Variants in NWD1 observed in about 807,000 individuals in gnomAD.
The protein encoded by NWD1 is NACHT and WD repeat domain containing 1, also known as NACHT domain- and WD repeat-containing protein 1.
In NWD1, 129 loss-of-function variants were observed where a neutral mutation model predicts 135.1. That is an observed-to-expected ratio of 0.96 (90% CI 0.83 to 1.11). The LOEUF is 1.11. NWD1 is among the 50% of genes least tolerant of loss of function. The pLI, the probability that NWD1 is intolerant of heterozygous loss-of-function variation, is 0.00. For synonymous variants in NWD1, 773 were observed against 786.0 expected, an observed-to-expected ratio of 0.98 and a Z score of 0.28; for missense variants, 1,740 against 1,851.3, an observed-to-expected ratio of 0.94 and a Z score of 1.10.
chr19:16,742,529 C>A (rs904495057), intron 4 of NWD1, among the ~76,000 whole-genome samples: 1 of 152,072 alleles, frequency 6.6e-6, no homozygotes, highest in African/African-American at 2.4e-5. Context: ...CATCCCCAGG[C>A]CCCTGTTTCC....
At chr19:16,748,763 G>A (rs1476662218) in intron 5 of NWD1, among the ~76,000 whole-genome samples, 1 of 152,134 alleles carries the variant, frequency 6.6e-6, no homozygotes, top group Non-Finnish European at 1.5e-5. Flanking sequence ...GGCGGAGGTT[G>A]CAGTGAGCTA....
chr19:16,730,091 A>T (rs1967495755), intron 2 of NWD1, among the ~76,000 whole-genome samples: 1 of 152,010 alleles, frequency 6.6e-6, no homozygotes, highest in Non-Finnish European at 1.5e-5. Context: ...TGGGAGGCCG[A>T]GGTGGGCAGA....
At chr19:16,807,503 C>A (rs1970784799) in intron 17 of NWD1, 83 bp from the exon 18 acceptor site, 18 of 1,212,362 alleles carry the variant, frequency 1.5e-5, no homozygotes, top group Non-Finnish European at 2.1e-5. Flanking sequence ...AAAAACAAAA[C>A]AAAACAAAAA....
At position 16,751,550 on chromosome 19, in the gene NWD1, C is replaced by T. The variant is rs138765211; in HGVS notation, c.1769+1139C>T. Among the ~76,000 whole-genome samples the T allele has an allele frequency of 7.1e-4, 107 of 150,700 alleles. 2 individuals are homozygous for T. The highest frequency in any genetic ancestry group is 7.5e-3 in the Middle Eastern group (2 of 268). On this transcript the variant is annotated intron_variant, in intron 6 of 18. Coordinates refer to ENST00000524140, the MANE Select transcript of NWD1 (RefSeq NM_001007525.5). ...GCATGGTGGCTTACGCTTTTAATCG[C>T]AGCACTTTGGGAGGCCAAGGCAGGT... is the stretch of plus-strand genomic sequence containing the variant.
chr19:16,788,586 G>A (rs949816085), intron 12 of NWD1, among the ~76,000 whole-genome samples: 4 of 149,024 alleles, frequency 2.7e-5, no homozygotes, highest in Non-Finnish European at 4.4e-5. Flanking sequence ...AAAAAAAAGA[G>A]GGTTACATAA....
chr19:16,721,558 G>A (rs1967136415), intron 1 of NWD1: 1 of 152,072 alleles, frequency 6.6e-6, no homozygotes, highest in African/African-American at 2.4e-5. Flanking sequence ...GAGAGATGCT[G>A]GGACCCAGAA....
intron 18 of NWD1, among the ~76,000 whole-genome samples, chr19:16,812,475 C>A (rs2144533892): frequency 6.6e-6 from 1 of 152,016 alleles, no homozygotes; most frequent in Middle Eastern, 3.4e-3. Context: ...TGGAGACCAG[C>A]CTGGCCAACA....
intron 4 of NWD1, among the ~76,000 whole-genome samples, chr19:16,739,149 T>G (rs1677145772): frequency 6.8e-6 from 1 of 148,094 alleles, no homozygotes; most frequent in African/African-American, 2.5e-5. Flanking sequence ...CTAAGTTTAA[T>G]TTTTCAAAGG....
In NWD1 at chr19:16,736,650, G is replaced by C; in HGVS notation, c.98G>C (p.Trp33Ser). The C allele has an allele frequency of 6.5e-7, 1 of 1,533,990 alleles. No homozygotes were observed. The highest frequency in any genetic ancestry group is 8.7e-7 in the Non-Finnish European group (1 of 1,144,948). ...GLMFEVVDLR[W>S]GIRNIEATDH... ...ATTTCCCAGGTCGTTGATCTGAGGTGGGGTATTCGGAACATTGAAGCCACT... is the reference window on the plus strand; with the variant it reads ...ATTTCCCAGGTCGTTGATCTGAGGTCGGGTATTCGGAACATTGAAGCCACT... The change falls in exon 4 of 19, where the codon TGG (tryptophan) becomes TCG (serine). Residue 33 changes from tryptophan to serine, a missense_variant. Physicochemically the swap from Trp to Ser is radical, Grantham distance 177. Coordinates refer to ENST00000524140, the MANE Select transcript of NWD1 (RefSeq NM_001007525.5).
At chr19:16,787,971 G>A (rs1047707404) in intron 12 of NWD1, among the ~76,000 whole-genome samples, 1 of 148,112 alleles carries the variant, frequency 6.8e-6, no homozygotes, top group African/African-American at 2.5e-5. Context: ...GCTCATGCCT[G>A]TAATCCCAGC....
intron 18 of NWD1, among the ~76,000 whole-genome samples, chr19:16,811,228 T>C (rs961904860): frequency 1.3e-5 from 2 of 152,098 alleles, no homozygotes; most frequent in Admixed American, 1.3e-4. Flanking sequence ...TTAAATACAA[T>C]CATAGCTAAC....
chr19:16,803,625 A>G (rs930247987), intron 17 of NWD1, among the ~76,000 whole-genome samples: 1 of 152,072 alleles, frequency 6.6e-6, no homozygotes, highest in African/African-American at 2.4e-5. Context: ...GGTGGAAACT[A>G]GCTAGTCATG....
At chr19:16,775,842 A>G (rs150533042) in intron 11 of NWD1, among the ~76,000 whole-genome samples, 57 of 151,964 alleles carry the variant, frequency 3.8e-4, no homozygotes, top group Non-Finnish European at 6.3e-4. Flanking sequence ...TAATTTTTGT[A>G]TTCTTGGTAG....
At chr19:16,742,675 G>C (rs1283384031) in intron 4 of NWD1, among the ~76,000 whole-genome samples, 1 of 151,748 alleles carries the variant, frequency 6.6e-6, no homozygotes, top group Admixed American at 6.6e-5. Flanking sequence ...GAGATAAATT[G>C]TATATATATT....
intron 6 of NWD1, among the ~76,000 whole-genome samples, chr19:16,758,279 T>A (rs372039634): frequency 2.6e-5 from 4 of 152,276 alleles, no homozygotes; most frequent in Middle Eastern, 6.8e-3. Context: ...GTTCATGTAT[T>A]TATGTATTTA....
At position 16,812,179 on chromosome 19, in the gene NWD1, A is replaced by C. The variant is rs372708412; in HGVS notation, c.4288-2849A>C. Among the ~76,000 whole-genome samples, 13 of 151,896 alleles carry C rather than the reference A, an allele frequency of 8.6e-5. No homozygotes were observed. The East Asian group carries it at 2.1e-3, about 25-fold the overall frequency. On this transcript the variant is annotated intron_variant, in intron 18 of 18. Coordinates refer to ENST00000524140, the MANE Select transcript of NWD1 (RefSeq NM_001007525.5). ...AAAAATTAGCCAGGTGTGGTGGCAC[A>C]CACTTGTAATCCCTGCTACTTGAGA... is the stretch of plus-strand genomic sequence containing the variant.
intron 10 of NWD1, among the ~76,000 whole-genome samples, chr19:16,767,982 CTTTTTTTTTTTTTT>C (rs963453075): frequency 7.2e-5 from 6 of 83,568 alleles, no homozygotes; most frequent in African/African-American, 2.0e-4. Context: ...AATTTCCTTC[CTTTTTTTTTTTTTT>C]TTTTTTTTTT....
In NWD1 at chr19:16,749,805, G is replaced by C; in HGVS notation, c.1163G>C (p.Ser388Thr). Residue 388 changes from serine (S) to threonine (T), a missense_variant, in exon 6 of 19, where the codon AGC (serine) becomes ACC (threonine). Ser to Thr is a moderately conservative substitution (Grantham distance 58). Transcript: ENST00000524140. ...TCAGATGCCCGTGGCCTGCTGAAGAGCATCTGCTTCCAGGTGTGCCTGGCC... is the reference window on the plus strand; with the variant it reads ...TCAGATGCCCGTGGCCTGCTGAAGACCATCTGCTTCCAGGTGTGCCTGGCC... ...MSSDARGLLK[S>T]ICFQVCLAYG... is the part of the protein sequence containing the mutation. 6.2e-7 allele frequency: 1 copy of C among 1,606,796 alleles called. No homozygotes were observed. The highest frequency in any genetic ancestry group is 8.5e-7 in the Non-Finnish European group (1 of 1,176,048).
chr19:16,755,200 A>G (rs1356095317), intron 6 of NWD1, among the ~76,000 whole-genome samples: 1 of 151,934 alleles, frequency 6.6e-6, no homozygotes, highest in African/African-American at 2.4e-5. Context: ...GATCCTGTCT[A>G]TCATTAATAT....
Sources: gnomAD v4.1 joint callset for allele counts (sites outside exome capture counted in the v4.1 genomes callset) on GRCh38, gnomAD v4.1.1 for gene constraint, MANE v1.5 for transcripts, NCBI Gene and HGNC (gene_info 2026-07-23, HGNC 2026-07-21) for gene names.